The following TENM4 variants were observed in gnomAD, a reference collection of about 807,000 sequenced individuals.
TENM4 encodes the protein teneurin-4.
TENM4 carries 82 observed loss-of-function variants against 243.3 expected under a neutral mutation model. That is an observed-to-expected ratio of 0.34 (90% CI 0.28 to 0.40). The LOEUF is 0.40. Ranked by LOEUF, TENM4 falls within the 10% of genes least tolerant of loss-of-function variation. TENM4 has a pLI of 1.00. For missense variants in TENM4, 3,138 were observed against 3,673.3 expected (o/e 0.85, Z 3.77); for synonymous variants, 1,412 against 1,456.3 (o/e 0.97, Z 0.69).
intron 4 of TENM4, among the ~76,000 whole-genome samples, chr11:79,138,334 A>G (rs1201576470): frequency 2.4e-5 from 3 of 122,758 alleles, no homozygotes; most frequent in Non-Finnish European, 4.8e-5. Flanking sequence ...TATATATTAT[A>G]TATATAATAT....
At chr11:78,888,081 C>A (rs1293103236) in intron 9 of TENM4, among the ~76,000 whole-genome samples, 3 of 152,170 alleles carry the variant, frequency 2.0e-5, no homozygotes, top group Admixed American at 6.5e-5. Context: ...CATTGGTAAC[C>A]CACTCTATAT....
At chr11:79,032,962 A>G (rs1380015805) in intron 6 of TENM4, among the ~76,000 whole-genome samples, 1 of 152,116 alleles carries the variant, frequency 6.6e-6, no homozygotes, top group East Asian at 1.9e-4. Flanking sequence ...ATTAAAGACC[A>G]CAGGCTCAGC....
At chr11:79,422,558 C>T (rs1257101670) in intron 1 of TENM4, among the ~76,000 whole-genome samples, 1 of 152,162 alleles carries the variant, frequency 6.6e-6, no homozygotes, top group Non-Finnish European at 1.5e-5. Flanking sequence ...GTTTGTCTGC[C>T]TCCATGAGTG....
At chr11:78,882,493 G>A (rs1371133951) in intron 9 of TENM4, among the ~76,000 whole-genome samples, 1 of 152,226 alleles carries the variant, frequency 6.6e-6, no homozygotes, top group African/African-American at 2.4e-5. Context: ...TAGGGATTGA[G>A]TATGTGAAAG....
At position 79,400,091 on chromosome 11, in the gene TENM4, AAC is replaced by A. The variant is rs1380303882; in HGVS notation, c.-321+40416_-321+40417del. ...ATTCTAAATACCTGGGAGACACATA[AAC>A]ACACACCACACACACACACACACAC... On this transcript the variant is annotated intron_variant, in intron 1 of 33. Coordinates refer to ENST00000278550, the MANE Select transcript of TENM4 (RefSeq NM_001098816.3). 2.4e-5 allele frequency among the ~76,000 whole-genome samples: 3 copies of A among 124,854 alleles called. No homozygotes were observed. In the Admixed American group the frequency reaches 2.7e-4, roughly 11 times the overall value. 81.9% of individuals were successfully genotyped at this position (124,854 alleles called of 152,430 possible).
At position 78,805,277 on chromosome 11, in the gene TENM4, T is replaced by TGCCCCCCCCACCCCCCC; in HGVS notation, c.2179+14_2179+15insGGGGGGGTGGGGGGGGC. On this transcript the variant is annotated intron_variant, in intron 15 of 33. Transcript: ENST00000278550. ...CCCCTCCCTCTACCCATGCTTCTTC[T>TGCCCCCCCCACCCCCCC]CCCCCTGCATTTACCGATAGAACAG... 1 of 1,402,550 alleles carries TGCCCCCCCCACCCCCCC rather than the reference T, an allele frequency of 7.1e-7. No homozygotes were observed. The highest frequency in any genetic ancestry group is 9.7e-7 in the Non-Finnish European group (1 of 1,033,116). 86.9% of individuals were successfully genotyped at this position (1,402,550 alleles called of 1,614,324 possible). A position where few individuals can be genotyped will look rare whatever the true frequency, so the allele number is the denominator to read the frequency against.
chr11:79,179,621 T>C (rs1863242856), intron 3 of TENM4, among the ~76,000 whole-genome samples: 1 of 147,890 alleles, frequency 6.8e-6, no homozygotes, highest in African/African-American at 2.4e-5. Flanking sequence ...AGTATATGGA[T>C]TGAGAATGAG....
chr11:78,708,217 C>G, intron 27 of TENM4, 144 bp downstream of exon 27: 1 of 1,088,916 alleles, frequency 9.2e-7, no homozygotes, highest in East Asian at 2.6e-5. Flanking sequence ...TCTTTGTGTC[C>G]TTGGTGCTCA....
intron 12 of TENM4, among the ~76,000 whole-genome samples, chr11:78,815,534 A>G (rs759395842): frequency 2.6e-4 from 40 of 152,198 alleles, no homozygotes; most frequent in Non-Finnish European, 1.2e-4. Flanking sequence ...AGGTCAAGAA[A>G]ATATAGAATC....
intron 12 of TENM4, among the ~76,000 whole-genome samples, chr11:78,831,230 C>A (rs2136146989): frequency 6.6e-6 from 1 of 152,326 alleles, no homozygotes; most frequent in African/African-American, 2.4e-5. Flanking sequence ...GCCCAAGTTT[C>A]ATGGCAGCTC....
intron 12 of TENM4, among the ~76,000 whole-genome samples, chr11:78,842,942 G>A (rs1214911576): frequency 6.6e-6 from 1 of 152,202 alleles, no homozygotes; most frequent in African/African-American, 2.4e-5. Context: ...GGGAGGCTGA[G>A]GTGGGAGGGT....
intron 2 of TENM4, among the ~76,000 whole-genome samples, chr11:79,280,474 T>A (rs1222325519): frequency 6.6e-6 from 1 of 152,084 alleles, no homozygotes; most frequent in African/African-American, 2.4e-5. Context: ...CCCCTCCCAT[T>A]TGAGTGGGAA....
At position 78,712,640 on chromosome 11, in the gene TENM4, C is replaced by T. The variant is rs778995940; in HGVS notation, c.3896G>A (p.Ser1299Asn). ...GGACTTGATTTTAAAGACCCGCCGGCTGTTGCTGTCAGAAAGGAAGACGGC... is the reference window on the plus strand; with the variant it reads ...GGACTTGATTTTAAAGACCCGCCGGTTGTTGCTGTCAGAAAGGAAGACGGC... ...SGAVFLSDSNSRRVFKIKSTV... is the reference protein window; with the variant it reads ...SGAVFLSDSNNRRVFKIKSTV... The change falls in exon 26 of 34, where the codon AGC becomes AAC. Residue 1299 changes from serine (S) to asparagine (N), a missense_variant. Transcript: ENST00000278550. 6.2e-7 allele frequency: 1 copy of T among 1,614,000 alleles called. No homozygotes were observed. Among genetic ancestry groups the T allele is most frequent in the Admixed American group, 1.7e-5 (1 of 60,020 alleles).
At chr11:79,163,656 C>T (rs538909418) in intron 3 of TENM4, among the ~76,000 whole-genome samples, 1 of 151,754 alleles carries the variant, frequency 6.6e-6, no homozygotes, top group African/African-American at 2.4e-5. Context: ...TTTTCCATTC[C>T]TGAGTTACTT....
chr11:79,257,619 C>T (rs984301019), intron 2 of TENM4, among the ~76,000 whole-genome samples: 31 of 152,320 alleles, frequency 2.0e-4, no homozygotes, highest in African/African-American at 7.2e-4. Flanking sequence ...ATAGTTGACA[C>T]GTGTCTTTGA....
intron 6 of TENM4, among the ~76,000 whole-genome samples, chr11:78,943,588 C>T (rs1182712100): frequency 6.6e-6 from 1 of 152,062 alleles, no homozygotes; most frequent in African/African-American, 2.4e-5. Flanking sequence ...CTCATCTGTC[C>T]AGAGGGATAG....
chr11:79,147,539 C>T (rs1473390397), intron 4 of TENM4, among the ~76,000 whole-genome samples: 1 of 152,060 alleles, frequency 6.6e-6, no homozygotes, highest in Non-Finnish European at 1.5e-5. Context: ...GAGATGTGAA[C>T]ACTACTGTAT....
intron 12 of TENM4, among the ~76,000 whole-genome samples, chr11:78,840,817 G>A (rs1270376382): frequency 1.3e-5 from 2 of 152,210 alleles, no homozygotes; most frequent in African/African-American, 4.8e-5. Flanking sequence ...AGTGTGGATA[G>A]AGCATGATTC....
chr11:79,200,724 C>A (rs559924698), intron 3 of TENM4, among the ~76,000 whole-genome samples: 1 of 152,298 alleles, frequency 6.6e-6, no homozygotes, highest in South Asian at 2.1e-4. Context: ...AAAGTCAAGG[C>A]AGGGGCAGGA....
Sources: allele counts gnomAD v4.1 joint callset (sites outside exome capture counted in the v4.1 genomes callset), GRCh38; gene constraint gnomAD v4.1.1; transcripts MANE v1.5; gene names NCBI Gene and HGNC (gene_info 2026-07-23, HGNC 2026-07-21).